PRELID2: variants seen among roughly 807,000 people sequenced by gnomAD.
PRELID2 encodes the protein PRELI domain containing 2, also known as PRELI domain-containing protein 2.
In PRELID2, 25 loss-of-function variants were observed where a neutral mutation model predicts 28.4. The ratio of observed to expected loss-of-function variants is 0.88; its 90% CI spans 0.64 to 1.23. PRELID2 has a LOEUF of 1.23. Among genes scored for constraint, PRELID2 ranks in the 50% most tolerant of loss-of-function variants. The pLI, the probability that PRELID2 is intolerant of heterozygous loss-of-function variation, is 0.00. For synonymous variants in PRELID2, 76 were observed against 71.6 expected, an observed-to-expected ratio of 1.06 and a Z score of -0.31; for missense variants, 201 against 214.4, an observed-to-expected ratio of 0.94 and a Z score of 0.39.
intron 4 of PRELID2, among the ~76,000 whole-genome samples, chr5:145,804,639 T>C (rs1753373735): frequency 6.6e-6 from 1 of 152,168 alleles, no homozygotes; most frequent in Non-Finnish European, 1.5e-5. Context: ...TTATAAGGTA[T>C]ATAATATTAA....
chr5:145,327,634 A>G, the PRELID2 span, among the ~76,000 whole-genome samples: 1 of 151,994 alleles, frequency 6.6e-6, no homozygotes, highest in East Asian at 1.9e-4. Flanking sequence ...AGAATTTACT[A>G]TTGCTATTTC....
the PRELID2 span, among the ~76,000 whole-genome samples, chr5:145,421,943 C>G: frequency 1.8e-3 from 274 of 152,096 alleles, 1 homozygote; most frequent in African/African-American, 6.3e-3. Context: ...TCTTTGTTCT[C>G]CTTCGTTTCA....
intron 1 of PRELID2, among the ~76,000 whole-genome samples, chr5:145,513,018 C>CA (rs1483856921): frequency 1.3e-5 from 2 of 152,066 alleles, no homozygotes; most frequent in Non-Finnish European, 2.9e-5. Flanking sequence ...GATAAATCCA[C>CA]AAAAATGAGG....
At chr5:145,246,144 T>C in the PRELID2 span, among the ~76,000 whole-genome samples, 1 of 152,044 alleles carries the variant, frequency 6.6e-6, no homozygotes, top group African/African-American at 2.4e-5. Context: ...GGAGGATCAA[T>C]GAAATTCTGT....
the PRELID2 span, among the ~76,000 whole-genome samples, chr5:145,389,791 TA>T: frequency 6.6e-6 from 1 of 152,184 alleles, no homozygotes; most frequent in African/African-American, 2.4e-5. Context: ...GAGGAGAGGC[TA>T]AGGTGGTATA....
intron 5 of PRELID2, among the ~76,000 whole-genome samples, chr5:145,775,989 A>T (rs1225995666): frequency 1.3e-5 from 2 of 152,046 alleles, no homozygotes; most frequent in Non-Finnish European, 2.9e-5. Context: ...ATATGCAGAT[A>T]ATAGCCTAAA....
chr5:145,351,021 G>C, the PRELID2 span, among the ~76,000 whole-genome samples: 2 of 152,178 alleles, frequency 1.3e-5, no homozygotes, highest in African/African-American at 2.4e-5. Flanking sequence ...GGATATTTAG[G>C]TAATTTAACT....
the PRELID2 span, among the ~76,000 whole-genome samples, chr5:145,369,882 GC>G: frequency 1.3e-5 from 2 of 151,542 alleles, no homozygotes; most frequent in Admixed American, 6.6e-5. Context: ...GTGATGTTGA[GC>G]TTTTTTTTCA....
the PRELID2 span, among the ~76,000 whole-genome samples, chr5:145,249,106 C>T: frequency 6.6e-6 from 1 of 152,084 alleles, no homozygotes; most frequent in East Asian, 1.9e-4. Flanking sequence ...AAATATGACC[C>T]TCATTTTTAA....
the PRELID2 span, among the ~76,000 whole-genome samples, chr5:145,244,450 T>C: frequency 6.6e-6 from 1 of 151,974 alleles, no homozygotes; most frequent in East Asian, 1.9e-4. Flanking sequence ...TTTGGCATGG[T>C]GGCCTGAATT....
At chr5:145,772,266 C>G (rs533836152) in intron 5 of PRELID2, among the ~76,000 whole-genome samples, 1 of 151,698 alleles carries the variant, frequency 6.6e-6, no homozygotes, top group Non-Finnish European at 1.5e-5. Flanking sequence ...AGTAACTAAA[C>G]CTCAATTTGA....
chr5:145,378,999 C>CT, the PRELID2 span, among the ~76,000 whole-genome samples: 4 of 151,556 alleles, frequency 2.6e-5, no homozygotes, highest in Non-Finnish European at 4.4e-5. Context: ...GATTATTTTT[C>CT]TTTTTTTTCT....
At chr5:145,738,472 G>A (rs13169344) in intron 1 of PRELID2, among the ~76,000 whole-genome samples, 1 of 152,048 alleles carries the variant, frequency 6.6e-6, no homozygotes, top group African/African-American at 2.4e-5. Context: ...AGTAGAAAAT[G>A]TGAGCAAAAA....
the PRELID2 span, among the ~76,000 whole-genome samples, chr5:145,275,881 C>T: frequency 6.6e-6 from 1 of 152,112 alleles, no homozygotes; most frequent in African/African-American, 2.4e-5. Context: ...TCATCATCCT[C>T]AACTCTGCAT....
intron 1 of PRELID2, among the ~76,000 whole-genome samples, chr5:145,682,208 C>A (rs1213005872): frequency 6.6e-6 from 1 of 152,076 alleles, no homozygotes; most frequent in Non-Finnish European, 1.5e-5. Flanking sequence ...TAAAAAGCCA[C>A]AAAGAGAAAA....
chr5:145,637,499 G>C (rs575821749), intron 1 of PRELID2, among the ~76,000 whole-genome samples: 59 of 150,920 alleles, frequency 3.9e-4, no homozygotes, highest in South Asian at 1.7e-3. Context: ...CCAGAATTGG[G>C]ACTTCTCTGC....
At chr5:145,244,481 T>C in the PRELID2 span, among the ~76,000 whole-genome samples, 1 of 151,896 alleles carries the variant, frequency 6.6e-6, no homozygotes, top group Non-Finnish European at 1.5e-5. Context: ...AAAGATGCAG[T>C]GACACAGCCT....
the PRELID2 span, among the ~76,000 whole-genome samples, chr5:145,460,733 T>C: frequency 5.3e-5 from 8 of 152,236 alleles, no homozygotes; most frequent in Non-Finnish European, 8.8e-5. Context: ...CACAGTCACA[T>C]AGAAGTATAA....
At chr5:145,307,734 A>T in the PRELID2 span, among the ~76,000 whole-genome samples, 25,800 of 152,040 alleles carry the variant, frequency 0.17, 2,774 homozygotes, top group East Asian at 0.33. Flanking sequence ...AACAGCAGCC[A>T]TGTCTCCTTA....
Sources: allele counts gnomAD v4.1 joint callset (sites outside exome capture counted in the v4.1 genomes callset), GRCh38; gene constraint gnomAD v4.1.1; transcripts MANE v1.5; gene names NCBI Gene and HGNC (gene_info 2026-07-23, HGNC 2026-07-21).